AURKA: variants seen among roughly 807,000 people sequenced by gnomAD.
AURKA encodes the protein aurora 2.
A neutral mutation model predicts 40.9 loss-of-function variants in AURKA; 12 were observed. The ratio of observed to expected loss-of-function variants is 0.29; its 90% CI spans 0.19 to 0.48. AURKA has a LOEUF of 0.48. AURKA is among the 20% of genes least tolerant of loss of function. AURKA has a pLI of 0.99. For missense variants in AURKA, 322 were observed against 462.1 expected (o/e 0.70, Z 2.78); for synonymous variants, 170 against 164.3 (o/e 1.03, Z -0.26).
rs1984564058 is a variant in AURKA at position 56,373,690 on chromosome 20, C to T, written c.706-134G>A. 2.0e-6 allele frequency: 2 copies of T among 999,374 alleles called. No individual in the cohort carries two copies. Among genetic ancestry groups the T allele is most frequent in the Admixed American group, 2.1e-5 (1 of 47,178 alleles). The allele number at this position is 999,374 out of a possible 1,614,324, so 61.9% of individuals were successfully genotyped here. On this transcript the variant is annotated intron_variant, in intron 6 of 8. Transcript: ENST00000395915. This position sits in a 1 kb window ranked among gnomAD's most constrained non-coding sequence, Gnocchi z 5.0. Reference sequence around the variant, plus strand: ...TTTTGGCCAGGCACAGTGGCTCACACCTATAATCCCAACACTTTGGGGGAC... The same window carrying T: ...TTTTGGCCAGGCACAGTGGCTCACATCTATAATCCCAACACTTTGGGGGAC...
At chr20:56,372,810 T>C (rs1010036487) in intron 7 of AURKA, among the ~76,000 whole-genome samples, 3 of 152,198 alleles carry the variant, frequency 2.0e-5, no homozygotes, top group Non-Finnish European at 4.4e-5. Flanking sequence ...AGTAAAGATA[T>C]TGTAGTTCAC....
At chr20:56,379,061 T>G (rs77536004) in intron 6 of AURKA, among the ~76,000 whole-genome samples, 3 of 152,316 alleles carry the variant, frequency 2.0e-5, no homozygotes, top group Non-Finnish European at 2.9e-5. Context: ...ATCCTGGGCA[T>G]GCAGATTGTG....
chr20:56,385,907 C>G (rs745861283), intron 3 of AURKA, among the ~76,000 whole-genome samples: 1 of 152,292 alleles, frequency 6.6e-6, no homozygotes. Context: ...CCTCAGTTCA[C>G]CCACTTCTCT....
chr20:56,384,673 C>A (rs1415510711), intron 3 of AURKA, among the ~76,000 whole-genome samples: 3 of 152,086 alleles, frequency 2.0e-5, no homozygotes, highest in Non-Finnish European at 4.4e-5. Context: ...GACGAGCTGC[C>A]AACTCGTCAC....
intron 1 of AURKA, among the ~76,000 whole-genome samples, chr20:56,389,155 G>A (rs556562031): frequency 1.9e-4 from 29 of 152,232 alleles, no homozygotes; most frequent in African/African-American, 5.8e-4. Context: ...CCTCCTTGCT[G>A]GGTCAGTCTC....
intron 1 of AURKA, among the ~76,000 whole-genome samples, chr20:56,391,676 C>G (rs1207257090): frequency 6.6e-6 from 1 of 152,176 alleles, no homozygotes; most frequent in Non-Finnish European, 1.5e-5. Flanking sequence ...ACCCACTCAT[C>G]CAGCCAGGAC....
intron 6 of AURKA, among the ~76,000 whole-genome samples, chr20:56,376,985 C>G (rs1357429217): frequency 6.6e-6 from 1 of 151,840 alleles, no homozygotes; most frequent in Non-Finnish European, 1.5e-5. Flanking sequence ...GAGGCTGAGG[C>G]AGGAGAACTG....
chr20:56,391,401 A>T (rs960422907), intron 1 of AURKA, among the ~76,000 whole-genome samples: 2 of 152,246 alleles, frequency 1.3e-5, no homozygotes, highest in African/African-American at 4.8e-5. Context: ...AAAAAAACAG[A>T]TTCTGCATTT....
In AURKA at chr20:56,381,580, A is replaced by C; in HGVS notation, c.567-9T>G. ...TAAGAATATTAGGATGCCTGCAACA[A>C]AGGATAAACATTCTAACACTTGGTT... On this transcript the variant is annotated splice_polypyrimidine_tract_variant and intron_variant, in intron 5 of 8. Transcript: ENST00000395915. 6.2e-7 allele frequency: 1 copy of C among 1,613,374 alleles called. No homozygotes were observed. Among genetic ancestry groups the C allele is most frequent in the Non-Finnish European group, 8.5e-7 (1 of 1,179,738 alleles).
chr20:56,387,775 G>A (rs941082762), intron 2 of AURKA, among the ~76,000 whole-genome samples: 2 of 152,188 alleles, frequency 1.3e-5, no homozygotes, highest in African/African-American at 4.8e-5. Flanking sequence ...TTTAAATATA[G>A]AGCAATTTTT....
At chr20:56,389,780 C>A (rs1381534279) in intron 1 of AURKA, among the ~76,000 whole-genome samples, 1 of 152,212 alleles carries the variant, frequency 6.6e-6, no homozygotes, top group Non-Finnish European at 1.5e-5. Flanking sequence ...GTTGCTCAGG[C>A]CAAAAGCCTT....
At chr20:56,374,954 A>C (rs1483308781) in intron 6 of AURKA, among the ~76,000 whole-genome samples, 1 of 152,146 alleles carries the variant, frequency 6.6e-6, no homozygotes, top group Non-Finnish European at 1.5e-5. Context: ...AGGCTGAGGC[A>C]GGAGAATTGG....
chr20:56,384,085 T>C (rs1986067167), intron 4 of AURKA, among the ~76,000 whole-genome samples, 185 bp downstream of exon 4: 1 of 152,212 alleles, frequency 6.6e-6, no homozygotes, highest in African/African-American at 2.4e-5. Context: ...GCACTTGAGT[T>C]CCTAGTAAAA....
chr20:56,369,550 A>T lies in AURKA; in HGVS notation c.*608T>A, dbSNP rs1983815988. The T allele has an allele frequency of 4.1e-6, 1 of 242,198 alleles. No individual in the cohort carries two copies. Among genetic ancestry groups the T allele is most frequent in the Non-Finnish European group, 8.2e-6 (1 of 122,638 alleles). The allele number at this position is 242,198 out of a possible 1,614,324, so 15.0% of individuals were successfully genotyped here. ...TAGAGCACGTGTTCCTATTTTTCAC[A>T]CTCTCATATGGGAGATAAGTGGTTA... is the stretch of plus-strand genomic sequence containing the variant. On this transcript the variant is annotated 3_prime_UTR_variant, in exon 9 of 9. Transcript: ENST00000395915.
intron 3 of AURKA, among the ~76,000 whole-genome samples, chr20:56,384,558 A>T (rs1986127088): frequency 6.6e-6 from 1 of 152,154 alleles, no homozygotes; most frequent in South Asian, 2.1e-4. Context: ...GTATATATAG[A>T]CAGGCCCTTC....
At chr20:56,384,768 C>A (rs1286604148) in intron 3 of AURKA, among the ~76,000 whole-genome samples, 1 of 152,104 alleles carries the variant, frequency 6.6e-6, no homozygotes, top group African/African-American at 2.4e-5. Context: ...CATAAGCCAG[C>A]CACCCTCCAT....
intron 3 of AURKA, 52 bp from the exon 4 acceptor site, chr20:56,384,376 C>T (rs764324397): frequency 7.2e-7 from 1 of 1,380,722 alleles, no homozygotes; most frequent in Admixed American, 1.7e-5. Flanking sequence ...ATAGGATAAG[C>T]TAAGCTGTGA....
chr20:56,371,306 C>CA (rs1223177612), intron 7 of AURKA, among the ~76,000 whole-genome samples: 4 of 151,970 alleles, frequency 2.6e-5, no homozygotes, highest in East Asian at 3.9e-4. Context: ...ACTAAAAATA[C>CA]AAAAAATTAG....
At chr20:56,378,675 A>G (rs1985279225) in intron 6 of AURKA, among the ~76,000 whole-genome samples, 2 of 152,242 alleles carry the variant, frequency 1.3e-5, no homozygotes, top group Non-Finnish European at 2.9e-5. Flanking sequence ...CCATATAATG[A>G]AATAATGGAA....
Sources: allele counts gnomAD v4.1 joint callset (sites outside exome capture counted in the v4.1 genomes callset), GRCh38; gene constraint gnomAD v4.1.1; non-coding constraint Gnocchi (gnomAD v3.1); transcripts MANE v1.5; gene names NCBI Gene and HGNC (gene_info 2026-07-23, HGNC 2026-07-21).